UCHL5: variants seen among roughly 807,000 people sequenced by gnomAD.
The protein encoded by UCHL5 is ubiquitin C-terminal hydrolase L5, also known as ubiquitin carboxyl-terminal hydrolase isozyme L5.
Under a neutral mutation model 53.8 loss-of-function variants are expected in UCHL5, and 34 were observed. That is an observed-to-expected ratio of 0.63 (90% CI 0.48 to 0.84). UCHL5 has a LOEUF of 0.84. UCHL5 is among the 40% of genes least tolerant of loss of function. The pLI is 0.00. For synonymous variants in UCHL5, 111 were observed against 126.3 expected (o/e 0.88, Z 0.81); for missense variants, 290 against 385.6 (o/e 0.75, Z 2.08).
intron 3 of UCHL5, among the ~76,000 whole-genome samples, chr1:193,038,664 C>A (rs1211327121): frequency 6.6e-6 from 1 of 152,036 alleles, no homozygotes; most frequent in Non-Finnish European, 1.5e-5. Context: ...CTAAAGACCA[C>A]CAAAAAACTC....
At position 193,024,362 on chromosome 1, in the gene UCHL5, T is replaced by G. The variant is rs375317567; in HGVS notation, c.630-416A>C. On this transcript the variant is annotated intron_variant, in intron 7 of 10. Coordinates refer to ENST00000367454, the MANE Select transcript of UCHL5 (RefSeq NM_001199261.3). ...TATTCTAAAATAATGTCATAAAACA[T>G]TTGAAATAAAAAACATTTTCATCAA... Among the ~76,000 whole-genome samples, 54 of 151,794 alleles carry G rather than the reference T, an allele frequency of 3.6e-4. No homozygotes were observed. The East Asian group carries it at 4.6e-3, about 13-fold the overall frequency.
chr1:193,031,846 C>A (rs1318142298), intron 3 of UCHL5, among the ~76,000 whole-genome samples: 4 of 152,148 alleles, frequency 2.6e-5, no homozygotes, highest in African/African-American at 7.2e-5. Flanking sequence ...AAATCTATTG[C>A]AGTATGAATT....
At chr1:193,029,055 C>G in intron 6 of UCHL5, 124 bp downstream of exon 6, 1 of 1,167,308 alleles carries the variant, frequency 8.6e-7, no homozygotes, top group East Asian at 2.4e-5. Context: ...TTAAGGCCTT[C>G]ATTATATTAT....
At chr1:193,047,719 T>C (rs1667794565) in intron 3 of UCHL5, among the ~76,000 whole-genome samples, 1 of 152,170 alleles carries the variant, frequency 6.6e-6, no homozygotes, top group South Asian at 2.1e-4. Flanking sequence ...CCTAAGACCC[T>C]TTTCAAGGAG....
chr1:193,021,188 T>G lies in UCHL5; in HGVS notation c.851A>C (p.Asn284Thr). Residue 284 changes from asparagine (N) to threonine (T), a missense_variant, in exon 10 of 11, where the codon AAT becomes ACT. Asn to Thr is a moderately conservative substitution (Grantham distance 65). Coordinates refer to ENST00000367454, the MANE Select transcript of UCHL5 (RefSeq NM_001199261.3). ...VQKLKRYKIE[N>T]IRRKHNYLPF... ...CAGATAATTATGCTTCCTTCTGATATTCTCAATCTGAAAATAAAACATCAA... is the reference window on the plus strand; with the variant it reads ...CAGATAATTATGCTTCCTTCTGATAGTCTCAATCTGAAAATAAAACATCAA... 1.3e-6 allele frequency: 2 copies of G among 1,599,480 alleles called. No homozygotes were observed. Among genetic ancestry groups the G allele is most frequent in the Non-Finnish European group, 1.7e-6 (2 of 1,168,880 alleles).
At chr1:193,018,687 G>A in intron 10 of UCHL5, 1 of 1,304,192 alleles carries the variant, frequency 7.7e-7, no homozygotes, top group Non-Finnish European at 9.8e-7. Context: ...CAGATTATAG[G>A]CAACTGCCTC....
At chr1:193,018,576 G>T (rs1655693748) in intron 10 of UCHL5, 1 of 1,204,192 alleles carries the variant, frequency 8.3e-7, no homozygotes. Context: ...AACATTTATA[G>T]GTTCTAACCA....
At chr1:193,023,685 T>G (rs942926455) in intron 8 of UCHL5, among the ~76,000 whole-genome samples, 159 bp downstream of exon 8, 2 of 152,214 alleles carry the variant, frequency 1.3e-5, no homozygotes, top group African/African-American at 4.8e-5. Flanking sequence ...CTATATCCAC[T>G]AAGTGCAAAG....
At chr1:193,058,508 C>A (rs1671543970) in intron 1 of UCHL5, among the ~76,000 whole-genome samples, 1 of 152,226 alleles carries the variant, frequency 6.6e-6, no homozygotes. Context: ...ACGAAAGGCA[C>A]TAAATACAGC....
chr1:193,029,161 G>C lies in UCHL5; in HGVS notation c.565+18C>G, dbSNP rs1314697409. 5 of 1,606,746 alleles carry C rather than the reference G, an allele frequency of 3.1e-6. No individual in the cohort carries two copies. In the Admixed American group the frequency reaches 8.5e-5, roughly 27 times the overall value. On this transcript the variant is annotated intron_variant, in intron 6 of 10. Transcript: ENST00000367454. ...TCCCCTGTCAAAAGTGAAATATCAG[G>C]AACAGGAACTGCATTACCTAAATCA... is the stretch of plus-strand genomic sequence containing the variant.
At chr1:193,048,807 A>G (rs1668129225) in intron 3 of UCHL5, among the ~76,000 whole-genome samples, 1 of 152,220 alleles carries the variant, frequency 6.6e-6, no homozygotes, top group Non-Finnish European at 1.5e-5. Context: ...TTTGGTAACT[A>G]TAGTTATTTT....
chr1:193,024,243 T>TAAA (rs201888142), intron 7 of UCHL5, among the ~76,000 whole-genome samples: 1 of 141,222 alleles, frequency 7.1e-6, no homozygotes, highest in Admixed American at 7.1e-5. Context: ...CCCTGTCTCT[T>TAAA]AAAAAAAAAA....
At position 193,023,026 on chromosome 1, in the gene UCHL5, T is replaced by A; in HGVS notation, c.743A>T (p.Asp248Val). ...LQRQLAEEPMDTDQGNSMLSA... is the reference protein window; with the variant it reads ...LQRQLAEEPMVTDQGNSMLSA... ...TAACATACTATTACCTTGATCTGTA[T>A]CCATGGGTTCCTCCTTGGGGGAAGG... The change falls in exon 9 of 11, where the codon GAT (aspartate) becomes GTT (valine). Residue 248 changes from aspartate (D) to valine (V), a missense_variant. Coordinates refer to ENST00000367454, the MANE Select transcript of UCHL5 (RefSeq NM_001199261.3). 1 of 1,611,730 alleles carries A rather than the reference T, an allele frequency of 6.2e-7. No homozygotes were observed. Among genetic ancestry groups the A allele is most frequent in the Non-Finnish European group, 8.5e-7 (1 of 1,178,626 alleles).
At chr1:193,055,708 A>G (rs1417803682) in intron 1 of UCHL5, among the ~76,000 whole-genome samples, 1 of 152,248 alleles carries the variant, frequency 6.6e-6, no homozygotes, top group Non-Finnish European at 1.5e-5. Context: ...TAAATGTTAA[A>G]CCAATCCTAA....
chr1:193,028,300 C>T (rs1265484180), intron 6 of UCHL5, 152 bp from the exon 7 acceptor site: 1 of 568,818 alleles, frequency 1.8e-6, no homozygotes, highest in Non-Finnish European at 2.9e-6. Flanking sequence ...TGTTTCAATT[C>T]CATAAATAAA....
chr1:193,030,087 A>C (rs1368170955), intron 3 of UCHL5, among the ~76,000 whole-genome samples: 1 of 152,214 alleles, frequency 6.6e-6, no homozygotes, highest in Non-Finnish European at 1.5e-5. Context: ...TTCTGAACCC[A>C]ACTCACATTA....
intron 10 of UCHL5, chr1:193,018,538 C>A: frequency 1.7e-6 from 2 of 1,146,412 alleles, no homozygotes; most frequent in Non-Finnish European, 2.1e-6. Flanking sequence ...TCAACGAATT[C>A]ATCGGTTAAA....
chr1:193,041,839 T>C (rs1290923994), intron 3 of UCHL5, among the ~76,000 whole-genome samples: 1 of 152,124 alleles, frequency 6.6e-6, no homozygotes, highest in East Asian at 1.9e-4. Context: ...GTGAAAAAAG[T>C]AGGCCAGGCT....
intron 3 of UCHL5, among the ~76,000 whole-genome samples, chr1:193,036,029 C>G (rs1410691517): frequency 6.6e-6 from 1 of 151,626 alleles, no homozygotes; most frequent in Non-Finnish European, 1.5e-5. Context: ...TTAAAACATA[C>G]AACCTGAGAA....
Sources: gnomAD v4.1 joint callset for allele counts (sites outside exome capture counted in the v4.1 genomes callset) on GRCh38, gnomAD v4.1.1 for gene constraint, MANE v1.5 for transcripts, NCBI Gene and HGNC (gene_info 2026-07-23, HGNC 2026-07-21) for gene names.